Variants in CSMD3 observed in about 807,000 individuals in gnomAD.
CSMD3 encodes CUB and Sushi multiple domains 3.
A neutral mutation model predicts 435.2 loss-of-function variants in CSMD3; 177 were observed. That is an observed-to-expected ratio of 0.41 (90% CI 0.36 to 0.46). The LOEUF (loss-of-function observed/expected upper bound fraction) is 0.46, where lower values mean the gene tolerates loss of function less well. Ranked by LOEUF, CSMD3 falls within the 20% of genes least tolerant of loss-of-function variation. The pLI is 0.34. For missense variants in CSMD3, 4,265 were observed against 4,504.6 expected (o/e 0.95, Z 1.52); for synonymous variants, 1,656 against 1,520.5 (o/e 1.09, Z -2.07).
chr8:113,021,701 G>A (rs567740204), intron 5 of CSMD3, among the ~76,000 whole-genome samples: 49 of 152,294 alleles, frequency 3.2e-4, no homozygotes, highest in Admixed American at 3.1e-3. Flanking sequence ...CAGTAATAGA[G>A]TACAGTAAAG....
At chr8:112,616,459 A>T (rs1376530069) in intron 22 of CSMD3, among the ~76,000 whole-genome samples, 1 of 152,140 alleles carries the variant, frequency 6.6e-6, no homozygotes, top group East Asian at 1.9e-4. Flanking sequence ...GCATTTATTG[A>T]ATGCTTGAAT....
chr8:113,407,499 G>A (rs1402671017), intron 1 of CSMD3, among the ~76,000 whole-genome samples: 1 of 152,026 alleles, frequency 6.6e-6, no homozygotes, highest in Non-Finnish European at 1.5e-5. Flanking sequence ...AATTCAATGA[G>A]CTACATCTAA....
chr8:113,141,556 A>G (rs1052618990), intron 4 of CSMD3, among the ~76,000 whole-genome samples: 1 of 151,034 alleles, frequency 6.6e-6, no homozygotes, highest in Non-Finnish European at 1.5e-5. Flanking sequence ...AATTCACCAT[A>G]TTTACAGACT....
At chr8:113,416,893 A>T (rs1229450759) in intron 1 of CSMD3, among the ~76,000 whole-genome samples, 3 of 152,116 alleles carry the variant, frequency 2.0e-5, no homozygotes, top group African/African-American at 7.2e-5. Flanking sequence ...TCATAAACTG[A>T]CATAGATATC....
At chr8:112,771,781 C>T (rs1432143106) in intron 13 of CSMD3, among the ~76,000 whole-genome samples, 1 of 151,932 alleles carries the variant, frequency 6.6e-6, no homozygotes, top group Non-Finnish European at 1.5e-5. Flanking sequence ...GAGAAGAGTA[C>T]AGAAGAGGGC....
chr8:112,290,218 CCT>C (rs959202473), intron 56 of CSMD3, among the ~76,000 whole-genome samples: 19 of 152,056 alleles, frequency 1.2e-4, no homozygotes, highest in African/African-American at 3.1e-4. Flanking sequence ...ACATGTGTCC[CCT>C]GTTAGTTGTA....
rs1203910909 is a variant in CSMD3 at position 112,295,893 on chromosome 8, A to T, written c.8554T>A (p.Ser2852Thr). 6.2e-7 allele frequency: 1 copy of T among 1,613,996 alleles called. No homozygotes were observed. Among genetic ancestry groups the T allele is most frequent in the Non-Finnish European group, 8.5e-7 (1 of 1,179,974 alleles). ...QCNPGFRLIG[S>T]SVRICQQDHN... ...TCCTGTTGACATATCCTCACTGAAGAACCAATCAATCGAAAACCAGGATTA... is the reference window on the plus strand; with the variant it reads ...TCCTGTTGACATATCCTCACTGAAGTACCAATCAATCGAAAACCAGGATTA... The change falls in exon 54 of 71, where the codon TCT (serine) becomes ACT (threonine). Residue 2852 changes from serine (S) to threonine (T), a missense_variant. Coordinates refer to ENST00000297405, the MANE Select transcript of CSMD3 (RefSeq NM_198123.2).
rs570631496 is a variant in CSMD3 at position 113,078,363 on chromosome 8, T to C, written c.917+20393A>G. 1.2e-4 allele frequency among the ~76,000 whole-genome samples: 18 copies of C among 152,338 alleles called. No homozygotes were observed. The South Asian group carries it at 2.3e-3, about 19-fold the overall frequency. ...AAAGATTAAATGTTTTCTTATGGCA[T>C]ACAAAATGATGAACACCCAATGTCA... On this transcript the variant is annotated intron_variant, in intron 5 of 70. Transcript: ENST00000297405.
chr8:113,193,707 G>A (rs1401978162), intron 3 of CSMD3, among the ~76,000 whole-genome samples: 1 of 151,314 alleles, frequency 6.6e-6, no homozygotes, highest in African/African-American at 2.4e-5. Flanking sequence ...ACATTCATTG[G>A]AAATTGCATA....
chr8:113,084,316 T>C (rs1032842968), intron 5 of CSMD3, among the ~76,000 whole-genome samples: 1 of 151,990 alleles, frequency 6.6e-6, no homozygotes, highest in Non-Finnish European at 1.5e-5. Context: ...AATAGCAAAC[T>C]AGTTAAAAAT....
intron 32 of CSMD3, among the ~76,000 whole-genome samples, chr8:112,411,964 A>C (rs1017754967): frequency 2.0e-5 from 3 of 152,106 alleles, no homozygotes; most frequent in Non-Finnish European, 4.4e-5. Flanking sequence ...CTGTGGTATA[A>C]TGCAATGGAT....
intron 38 of CSMD3, among the ~76,000 whole-genome samples, chr8:112,353,703 T>C (rs1826343250): frequency 4.0e-5 from 6 of 151,682 alleles, no homozygotes; most frequent in Admixed American, 3.3e-4. Context: ...ATAAAATCAG[T>C]AAGAAAAAAA....
intron 3 of CSMD3, among the ~76,000 whole-genome samples, chr8:113,180,152 A>T (rs946334279): frequency 3.9e-5 from 6 of 151,992 alleles, no homozygotes; most frequent in Non-Finnish European, 8.8e-5. Flanking sequence ...AATTAATCTC[A>T]GGGTTTATTT....
intron 53 of CSMD3, among the ~76,000 whole-genome samples, chr8:112,298,916 G>A (rs576314522): frequency 7.4e-4 from 112 of 152,174 alleles, no homozygotes; most frequent in African/African-American, 2.6e-3. Context: ...TTTTACATGA[G>A]CATGCATAGC....
chr8:112,827,845 T>A (rs1467926250), intron 12 of CSMD3, among the ~76,000 whole-genome samples: 1 of 152,176 alleles, frequency 6.6e-6, no homozygotes, highest in Non-Finnish European at 1.5e-5. Flanking sequence ...AGAGGCCCTC[T>A]CCATAGGAGG....
intron 10 of CSMD3, among the ~76,000 whole-genome samples, chr8:112,920,912 T>C (rs537580752): frequency 3.4e-4 from 49 of 143,178 alleles, no homozygotes; most frequent in African/African-American, 1.1e-3. Flanking sequence ...CATATATATA[T>C]ATATATACAC....
intron 32 of CSMD3, among the ~76,000 whole-genome samples, chr8:112,423,879 C>A (rs79382427): frequency 0.021 from 3,243 of 152,152 alleles, 110 homozygotes; most frequent in African/African-American, 0.074. Context: ...TGTAAGTATT[C>A]AAGTTCCATG....
chr8:113,162,666 T>TG (rs1411368588), intron 4 of CSMD3, among the ~76,000 whole-genome samples: 4 of 124,464 alleles, frequency 3.2e-5, no homozygotes, highest in Non-Finnish European at 7.8e-5. Flanking sequence ...GATGTTGCAC[T>TG]TTAACCTTAA....
chr8:113,159,868 G>A (rs72685891), intron 4 of CSMD3, among the ~76,000 whole-genome samples: 15,419 of 151,768 alleles, frequency 0.1, 937 homozygotes, highest in Middle Eastern at 0.17. Flanking sequence ...AATTGATTGC[G>A]TTATTATTCC....
Sources: gnomAD v4.1 joint callset for allele counts (sites outside exome capture counted in the v4.1 genomes callset) on GRCh38, gnomAD v4.1.1 for gene constraint, MANE v1.5 for transcripts, NCBI Gene and HGNC (gene_info 2026-07-23, HGNC 2026-07-21) for gene names.